Variants in MAGI1 observed in about 807,000 individuals in gnomAD.
MAGI1 encodes the protein membrane associated guanylate kinase, WW and PDZ domain containing 1, also known as membrane-associated guanylate kinase, WW and PDZ domain-containing protein 1.
MAGI1 carries 58 observed loss-of-function variants against 139.9 expected under a neutral mutation model. The observed-to-expected ratio is 0.41, with a 90% CI of 0.34 to 0.52. The LOEUF (loss-of-function observed/expected upper bound fraction) is 0.52, where lower values mean the gene tolerates loss of function less well. Among genes scored for constraint, MAGI1 ranks in the 20% least tolerant of loss-of-function variants. MAGI1 has a pLI of 0.12. For missense variants in MAGI1, 1,874 were observed against 1,901.6 expected (o/e 0.99, Z 0.27); for synonymous variants, 812 against 737.9 (o/e 1.10, Z -1.63).
chr3:65,476,595 C>T (rs1478897111), intron 4 of MAGI1, among the ~76,000 whole-genome samples: 2 of 152,118 alleles, frequency 1.3e-5, no homozygotes, highest in Non-Finnish European at 2.9e-5. Context: ...ACCAAAAAAT[C>T]TATTTAATAA....
chr3:65,969,495 G>A (rs376543114), intron 1 of MAGI1, among the ~76,000 whole-genome samples: 1 of 152,184 alleles, frequency 6.6e-6, no homozygotes, highest in African/African-American at 2.4e-5. Flanking sequence ...ACTGACCTGG[G>A]AGAAACTGAA....
At chr3:65,372,523 A>C (rs770311353) in intron 18 of MAGI1, among the ~76,000 whole-genome samples, 2 of 152,204 alleles carry the variant, frequency 1.3e-5, no homozygotes, top group Non-Finnish European at 2.9e-5. Context: ...GCTTAAGGTC[A>C]TCAGCTGCAT....
chr3:65,660,624 C>G (rs1160662424), intron 1 of MAGI1, among the ~76,000 whole-genome samples: 1 of 152,140 alleles, frequency 6.6e-6, no homozygotes, highest in African/African-American at 2.4e-5. Context: ...AAAAATGAAC[C>G]CAATATTTGT....
chr3:66,025,236 A>AT lies in MAGI1; in HGVS notation c.313+12759dup, dbSNP rs2068187301. On this transcript the variant is annotated intron_variant, in intron 1 of 22. Coordinates refer to ENST00000402939, the MANE Select transcript of MAGI1 (RefSeq NM_001033057.2). The stretch of plus-strand genomic sequence containing the variant: ...ATAGTCAACTTGATCTACATATAGT[A>AT]TTTTTTTAAAGTCCATGATTGGCCA... Among the ~76,000 whole-genome samples the AT allele has an allele frequency of 2.6e-5, 4 of 152,144 alleles. No individual in the cohort carries two copies. In the South Asian group the frequency reaches 8.3e-4, roughly 32 times the overall value.
chr3:65,753,288 G>C (rs2036301353), intron 1 of MAGI1, among the ~76,000 whole-genome samples: 1 of 152,034 alleles, frequency 6.6e-6, no homozygotes, highest in Non-Finnish European at 1.5e-5. Flanking sequence ...TGGTATTATA[G>C]ACACTCTGCC....
intron 1 of MAGI1, among the ~76,000 whole-genome samples, chr3:65,850,060 T>C (rs1204766602): frequency 2.0e-5 from 3 of 152,222 alleles, no homozygotes; most frequent in Non-Finnish European, 2.9e-5. Context: ...TCATACCCTA[T>C]ATTTTTTTCT....
chr3:65,363,480 C>T lies in MAGI1; in HGVS notation c.3480G>A (p.Arg1160=). The T allele has an allele frequency of 6.2e-7, 1 of 1,612,372 alleles. No individual in the cohort carries two copies. The highest frequency in any genetic ancestry group is 8.5e-7 in the Non-Finnish European group (1 of 1,179,196). ...LRLAEDGPAE[R]CGKMRIGDEI... ...CTCCACTTACCCTCATCTTTCCACA[C>T]CTCTCCGCAGGACCGTCCTCTGCTA... is the stretch of plus-strand genomic sequence containing the variant. The change falls in exon 21 of 23, where the codon AGG becomes AGA. Residue 1160 remains arginine (R), a synonymous_variant. Coordinates refer to ENST00000402939, the MANE Select transcript of MAGI1 (RefSeq NM_001033057.2).
chr3:65,932,176 C>T lies in MAGI1; in HGVS notation c.313+105820G>A, dbSNP rs550089326. On this transcript the variant is annotated intron_variant, in intron 1 of 22. Transcript: ENST00000402939. The stretch of plus-strand genomic sequence containing the variant: ...GCCTTGAACTTGCACTCTTCTGATA[C>T]GACTTGTAGATTATTTTCTTGCACA... 5.3e-5 allele frequency among the ~76,000 whole-genome samples: 8 copies of T among 152,268 alleles called. No homozygotes were observed. The South Asian group carries it at 1.0e-3, about 20-fold the overall frequency.
At chr3:65,613,784 T>C (rs1487691016) in intron 2 of MAGI1, among the ~76,000 whole-genome samples, 1 of 152,172 alleles carries the variant, frequency 6.6e-6, no homozygotes, top group African/African-American at 2.4e-5. Flanking sequence ...GCATCTAGTG[T>C]TGGGTTGTTA....
intron 1 of MAGI1, among the ~76,000 whole-genome samples, chr3:65,800,265 T>C (rs144324585): frequency 6.6e-6 from 1 of 152,326 alleles, no homozygotes; most frequent in East Asian, 1.9e-4. Flanking sequence ...CATCATTAAT[T>C]TGTGGTTCTT....
intron 5 of MAGI1, among the ~76,000 whole-genome samples, chr3:65,454,775 C>T (rs1264411782): frequency 2.0e-5 from 3 of 148,784 alleles, no homozygotes; most frequent in Non-Finnish European, 1.5e-5. Context: ...CGAATGTATA[C>T]ACGTCATATC....
At chr3:65,545,856 G>C (rs2079470947) in intron 2 of MAGI1, among the ~76,000 whole-genome samples, 1 of 152,044 alleles carries the variant, frequency 6.6e-6, no homozygotes. Context: ...CCTGTATGTA[G>C]TAAACGGGTC....
intron 1 of MAGI1, among the ~76,000 whole-genome samples, chr3:65,850,575 T>C (rs2059167239): frequency 6.6e-6 from 1 of 152,178 alleles, no homozygotes; most frequent in Non-Finnish European, 1.5e-5. Flanking sequence ...GAATACGATA[T>C]AAACTCTGGA....
At chr3:65,947,343 AG>A (rs2063587128) in intron 1 of MAGI1, among the ~76,000 whole-genome samples, 1 of 152,198 alleles carries the variant, frequency 6.6e-6, no homozygotes, top group Non-Finnish European at 1.5e-5. Context: ...AGCATATGTA[AG>A]GTATAAATAT....
chr3:65,763,539 T>G (rs375872835), intron 1 of MAGI1, among the ~76,000 whole-genome samples: 68 of 152,126 alleles, frequency 4.5e-4, no homozygotes, highest in African/African-American at 1.6e-3. Context: ...AGTAACTCAT[T>G]TAATCCTCAA....
At chr3:65,500,388 A>C in intron 2 of MAGI1, among the ~76,000 whole-genome samples, 1 of 152,270 alleles carries the variant, frequency 6.6e-6, no homozygotes, top group East Asian at 1.9e-4. Flanking sequence ...AATGCCCCCA[A>C]ACTTCATCCA....
At chr3:66,029,974 C>T (rs2068506414) in intron 1 of MAGI1, among the ~76,000 whole-genome samples, 1 of 152,144 alleles carries the variant, frequency 6.6e-6, no homozygotes, top group African/African-American at 2.4e-5. Flanking sequence ...AAAATCAGGA[C>T]ACTCAATTAA....
intron 1 of MAGI1, among the ~76,000 whole-genome samples, chr3:66,030,553 G>A (rs558024621): frequency 3.9e-5 from 6 of 152,274 alleles, no homozygotes; most frequent in African/African-American, 1.2e-4. Context: ...GCTGAGAGGG[G>A]GAACAGGGAA....
At chr3:65,358,244 C>G (rs1940413705) in intron 22 of MAGI1, among the ~76,000 whole-genome samples, 1 of 152,108 alleles carries the variant, frequency 6.6e-6, no homozygotes, top group Non-Finnish European at 1.5e-5. Context: ...AGCTAGGATG[C>G]TTTGTTGCAA....
Sources: gnomAD v4.1 joint callset for allele counts (sites outside exome capture counted in the v4.1 genomes callset) on GRCh38, gnomAD v4.1.1 for gene constraint, MANE v1.5 for transcripts, NCBI Gene and HGNC (gene_info 2026-07-23, HGNC 2026-07-21) for gene names.